The following XKR6 variants were observed in gnomAD, a reference collection of about 807,000 sequenced individuals.
The protein encoded by XKR6 is XK-related protein 6.
A neutral mutation model predicts 56.7 loss-of-function variants in XKR6; 22 were observed. That is an observed-to-expected ratio of 0.39 (90% CI 0.28 to 0.55). The LOEUF is 0.55. Among genes scored for constraint, XKR6 ranks in the 20% least tolerant of loss-of-function variants. XKR6 has a pLI of 0.66. For missense variants in XKR6, 852 were observed against 889.0 expected (o/e 0.96, Z 0.53); for synonymous variants, 524 against 387.8 (o/e 1.35, Z -4.13).
intron 1 of XKR6, among the ~76,000 whole-genome samples, chr8:11,091,200 G>A (rs1037992034): frequency 1.3e-5 from 2 of 152,194 alleles, no homozygotes; most frequent in African/African-American, 2.4e-5. Context: ...GAGAGACAAG[G>A]TGGGAGGATC....
chr8:10,975,848 C>A (rs1267822367), intron 1 of XKR6, among the ~76,000 whole-genome samples: 7 of 152,166 alleles, frequency 4.6e-5, no homozygotes, highest in Non-Finnish European at 8.8e-5. Context: ...TCAATTCACT[C>A]AATCTCCAAG....
chr8:11,060,267 G>C (rs770577140), intron 1 of XKR6, among the ~76,000 whole-genome samples: 7 of 152,124 alleles, frequency 4.6e-5, no homozygotes, highest in Non-Finnish European at 8.8e-5. Flanking sequence ...CAGCTAGTGT[G>C]GGGAGGAGAC....
At chr8:10,973,458 C>A (rs1332640257) in intron 1 of XKR6, among the ~76,000 whole-genome samples, 2 of 152,216 alleles carry the variant, frequency 1.3e-5, no homozygotes, top group Non-Finnish European at 2.9e-5. Context: ...CCCATACATT[C>A]TTTCATTCAA....
intron 1 of XKR6, among the ~76,000 whole-genome samples, chr8:11,026,774 A>T (rs1342923886): frequency 9.0e-6 from 1 of 111,056 alleles, no homozygotes; most frequent in Non-Finnish European, 1.8e-5. Flanking sequence ...AGATAGCCTA[A>T]CCTACTACAC....
chr8:11,144,244 G>GTGTGTGTGTGTGTGTA lies in XKR6; in HGVS notation c.764+56331_764+56332insTACACACACACACACA, dbSNP rs767539492. On this transcript the variant is annotated intron_variant, in intron 1 of 2. Coordinates refer to ENST00000416569, the MANE Select transcript of XKR6 (RefSeq NM_173683.4). ...AAAAAGTGTGTGTGTGTGTGTGTGT[G>GTGTGTGTGTGTGTGTA]TGTGTGTGTGTATCTAAAGTAGGCT... 1.0e-3 allele frequency among the ~76,000 whole-genome samples: 154 copies of GTGTGTGTGTGTGTGTA among 149,522 alleles called. 1 individual carries two copies. The highest frequency in any genetic ancestry group is 3.3e-3 in the African/African-American group (133 of 39,946).
intron 1 of XKR6, among the ~76,000 whole-genome samples, chr8:11,068,244 G>A (rs530771370): frequency 1.1e-4 from 17 of 152,252 alleles, no homozygotes; most frequent in African/African-American, 3.1e-4. Flanking sequence ...AGATAAGGGG[G>A]CCTTGGTGAC....
At chr8:11,196,752 T>G (rs754765675) in intron 1 of XKR6, among the ~76,000 whole-genome samples, 1 of 152,038 alleles carries the variant, frequency 6.6e-6, no homozygotes, top group Non-Finnish European at 1.5e-5. Flanking sequence ...CCCCAGGGAG[T>G]CTTCTTCAGC....
intron 1 of XKR6, among the ~76,000 whole-genome samples, chr8:11,037,043 T>G (rs185643310): frequency 3.3e-5 from 5 of 152,312 alleles, no homozygotes; most frequent in Non-Finnish European, 7.4e-5. Flanking sequence ...TTTATTATGA[T>G]CCTACTTATA....
At chr8:11,033,946 AG>A (rs1228072830) in intron 1 of XKR6, among the ~76,000 whole-genome samples, 2 of 152,240 alleles carry the variant, frequency 1.3e-5, no homozygotes, top group South Asian at 4.1e-4. Context: ...CAGCTTGGCC[AG>A]CCAGGAATGG....
intron 1 of XKR6, among the ~76,000 whole-genome samples, chr8:11,101,922 G>A (rs1004549737): frequency 2.0e-5 from 3 of 152,120 alleles, no homozygotes; most frequent in African/African-American, 7.2e-5. Context: ...GTTGTATCTT[G>A]CAGTCTAGTT....
At chr8:10,989,250 G>A (rs1474271410) in intron 1 of XKR6, among the ~76,000 whole-genome samples, 1 of 152,218 alleles carries the variant, frequency 6.6e-6, no homozygotes, top group African/African-American at 2.4e-5. Flanking sequence ...AATGAGTAGT[G>A]AGATAAAATG....
At chr8:11,187,257 C>G (rs967688871) in intron 1 of XKR6, among the ~76,000 whole-genome samples, 2 of 152,206 alleles carry the variant, frequency 1.3e-5, no homozygotes, top group African/African-American at 4.8e-5. Flanking sequence ...ACAAAAATAG[C>G]TCCACTTCAG....
intron 1 of XKR6, among the ~76,000 whole-genome samples, chr8:11,187,181 T>C (rs1803317844): frequency 6.6e-6 from 1 of 152,226 alleles, no homozygotes; most frequent in Non-Finnish European, 1.5e-5. Flanking sequence ...CAAATACCAA[T>C]GCTGCATCAA....
At chr8:11,136,547 C>A (rs1378734489) in intron 1 of XKR6, among the ~76,000 whole-genome samples, 1 of 151,784 alleles carries the variant, frequency 6.6e-6, no homozygotes. Flanking sequence ...CCCTAACCCC[C>A]ATTGTGATGG....
intron 1 of XKR6, among the ~76,000 whole-genome samples, chr8:11,020,462 G>A (rs1290180655): frequency 2.6e-5 from 4 of 152,160 alleles, no homozygotes; most frequent in Non-Finnish European, 5.9e-5. Context: ...ACCTGTAAAC[G>A]GTGCTGCTTC....
chr8:11,086,509 G>A (rs965145826), intron 1 of XKR6, among the ~76,000 whole-genome samples: 6 of 152,270 alleles, frequency 3.9e-5, no homozygotes, highest in African/African-American at 7.2e-5. Flanking sequence ...CATTCCTAAC[G>A]GGAGGAACAC....
At chr8:10,905,590 G>A (rs1800165424) in intron 2 of XKR6, among the ~76,000 whole-genome samples, 1 of 152,116 alleles carries the variant, frequency 6.6e-6, no homozygotes, top group African/African-American at 2.4e-5. Context: ...CCCCAGACAG[G>A]ACACAGGCTT....
At chr8:11,060,136 T>C (rs1418396333) in intron 1 of XKR6, among the ~76,000 whole-genome samples, 1 of 152,220 alleles carries the variant, frequency 6.6e-6, no homozygotes, top group East Asian at 1.9e-4. Context: ...CAGGGTTGGA[T>C]CAGAGCTTGG....
At chr8:11,103,703 TA>T (rs947291274) in intron 1 of XKR6, among the ~76,000 whole-genome samples, 2 of 152,198 alleles carry the variant, frequency 1.3e-5, no homozygotes, top group Non-Finnish European at 2.9e-5. Flanking sequence ...GAGACTGAGA[TA>T]AACTCCCTGC....
Sources: gnomAD v4.1 joint callset for allele counts (sites outside exome capture counted in the v4.1 genomes callset) on GRCh38, gnomAD v4.1.1 for gene constraint, MANE v1.5 for transcripts, NCBI Gene and HGNC (gene_info 2026-07-23, HGNC 2026-07-21) for gene names.